USH2A: variants seen among roughly 807,000 people sequenced by gnomAD.
The protein encoded by USH2A is Usher syndrome 2A (autosomal recessive, mild).
In USH2A, 443 loss-of-function variants were observed where a neutral mutation model predicts 538.9. The observed-to-expected ratio is 0.82, with a 90% confidence interval of 0.76 to 0.89. The LOEUF (loss-of-function observed/expected upper bound fraction) is 0.89. USH2A is among the 40% of genes least tolerant of loss of function. The pLI is 0.00. For synonymous variants in USH2A, 2,413 were observed against 2,273.5 expected, an observed-to-expected ratio of 1.06 and a Z score of -1.75; for missense variants, 6,633 against 6,324.8, an observed-to-expected ratio of 1.05 and a Z score of -1.65.
At position 215,813,745 on chromosome 1, in the gene USH2A, T is replaced by G. The variant is rs1207286019; in HGVS notation, c.9730A>C (p.Ile3244Leu). ...TGGAAATAACCCTCACCTGGTAGAATTCTAGCGTAATACCCAGAGCAGCAC... is the reference window on the plus strand; with the variant it reads ...TGGAAATAACCCTCACCTGGTAGAAGTCTAGCGTAATACCCAGAGCAGCAC... ...HQCCSGYYAR[I>L]LPGEVCCPDE... Residue 3244 changes from isoleucine (I) to leucine (L), a missense_variant, in exon 49 of 72, where the codon ATT (isoleucine) becomes CTT (leucine). Transcript: ENST00000307340. The G allele has an allele frequency of 6.2e-7, 1 of 1,613,848 alleles. No homozygotes were observed.
At chr1:215,771,140 A>C (rs563044949) in intron 55 of USH2A, among the ~76,000 whole-genome samples, 1 of 151,300 alleles carries the variant, frequency 6.6e-6, no homozygotes, top group East Asian at 2.0e-4. Flanking sequence ...AAAAAAAAGA[A>C]AGAAAGAAAA....
chr1:215,792,464 G>A (rs544341910), intron 50 of USH2A, among the ~76,000 whole-genome samples: 7 of 152,152 alleles, frequency 4.6e-5, no homozygotes, highest in Admixed American at 2.6e-4. Flanking sequence ...CCTAATCAGC[G>A]TTCATTCTTT....
At chr1:216,247,417 C>T (rs1029315702) in intron 12 of USH2A, among the ~76,000 whole-genome samples, 191 bp from the exon 13 acceptor site, 1 of 152,146 alleles carries the variant, frequency 6.6e-6, no homozygotes, top group Non-Finnish European at 1.5e-5. Flanking sequence ...TAATATACAA[C>T]TGTTTGCGAT....
chr1:216,088,991 A>G (rs774906453), intron 23 of USH2A, 22 bp downstream of exon 23: 4 of 1,612,954 alleles, frequency 2.5e-6, no homozygotes, highest in Non-Finnish European at 3.4e-6. Flanking sequence ...AGGGCTATTT[A>G]TACATATCAA....
intron 44 of USH2A, among the ~76,000 whole-genome samples, chr1:215,854,162 G>A (rs575907235): frequency 6.6e-6 from 1 of 152,266 alleles, no homozygotes; most frequent in Admixed American, 6.5e-5. Context: ...CAATCATGGT[G>A]GAAGGTGAAA....
intron 3 of USH2A, among the ~76,000 whole-genome samples, chr1:216,390,653 A>G (rs2102745786): frequency 6.6e-6 from 1 of 152,288 alleles, no homozygotes; most frequent in South Asian, 2.1e-4. Context: ...AAGATAACTG[A>G]TGGACCTAAA....
chr1:215,665,916 G>A (rs1466748033), intron 64 of USH2A, among the ~76,000 whole-genome samples: 4 of 152,240 alleles, frequency 2.6e-5, no homozygotes, highest in African/African-American at 9.6e-5. Context: ...CATTCACAGG[G>A]TTGTTTGAGA....
At chr1:215,896,762 A>T (rs1224548278) in intron 40 of USH2A, among the ~76,000 whole-genome samples, 1 of 152,132 alleles carries the variant, frequency 6.6e-6, no homozygotes, top group Non-Finnish European at 1.5e-5. Context: ...TATTAATCAC[A>T]TGCTCCCAAG....
At chr1:215,828,662 A>C (rs746160550) in intron 47 of USH2A, among the ~76,000 whole-genome samples, 35 of 152,128 alleles carry the variant, frequency 2.3e-4, no homozygotes, top group Non-Finnish European at 4.3e-4. Flanking sequence ...CTTATCAATA[A>C]CACATCCCCA....
rs1359880957 is a variant in USH2A, at chr1:215,741,441, C to T, written c.11645G>A (p.Cys3882Tyr). The T allele has an allele frequency of 5.0e-6, 8 of 1,613,702 alleles. No individual in the cohort carries two copies. Among genetic ancestry groups the T allele is most frequent in the Non-Finnish European group, 6.8e-6 (8 of 1,179,938 alleles). Reference protein sequence around the residue: ...SPVLKALGSACIEIKWMPPEK... With the variant: ...SPVLKALGSAYIEIKWMPPEK... ...AGGTGGCATCCACTTAATCTCTATG[C>T]AAGCTGACCCCAGTGCCTTAAGAAC... Residue 3882 changes from cysteine (C) to tyrosine (Y), a missense_variant, in exon 60 of 72, where the codon TGC (cysteine) becomes TAC (tyrosine). Physicochemically the swap from Cys to Tyr is radical, Grantham distance 194 (BLOSUM62 -2). Transcript: ENST00000307340.
In USH2A at chr1:216,199,658, A is replaced by G. The variant is rs759937489; in HGVS notation, c.3780T>C (p.His1260=). The G allele has an allele frequency of 4.6e-5, 75 of 1,613,994 alleles. No homozygotes were observed. In the Admixed American group the frequency reaches 5.2e-4, roughly 11 times the overall value. ...GTTCCGCTGGTGGAGACCATTCTAC[A>G]TGAAGTTCTGTAGAACTGATTTTCT... ...KMQKISSTEL[H]VEWSPPAELN... The change falls in exon 17 of 72, where the codon CAT becomes CAC. Residue 1260 remains histidine (H), a synonymous_variant. Transcript: ENST00000307340.
intron 3 of USH2A, among the ~76,000 whole-genome samples, chr1:216,383,522 A>C (rs570197913): frequency 6.6e-6 from 1 of 152,370 alleles, no homozygotes. Context: ...AGCTGGGATA[A>C]GAAGCTCTGC....
chr1:216,011,112 A>G (rs2102492409), intron 32 of USH2A, among the ~76,000 whole-genome samples: 1 of 152,252 alleles, frequency 6.6e-6, no homozygotes, highest in African/African-American at 2.4e-5. Flanking sequence ...CTAAAACCAG[A>G]CAAGCCTTAC....
chr1:215,715,708 T>C (rs997957777), intron 61 of USH2A, among the ~76,000 whole-genome samples: 6 of 152,364 alleles, frequency 3.9e-5, no homozygotes, highest in African/African-American at 1.2e-4. Context: ...GTGTTCTTAA[T>C]GACACACTAA....
chr1:216,311,644 A>G (rs1445705174), intron 9 of USH2A, among the ~76,000 whole-genome samples: 4 of 152,132 alleles, frequency 2.6e-5, no homozygotes, highest in Non-Finnish European at 5.9e-5. Flanking sequence ...ACTGGAAGTC[A>G]TGGGGCGGAA....
chr1:215,973,080 A>C (rs1667533829), intron 35 of USH2A, among the ~76,000 whole-genome samples: 2 of 152,192 alleles, frequency 1.3e-5, no homozygotes, highest in Non-Finnish European at 2.9e-5. Flanking sequence ...ATCCTAAAAA[A>C]ATCTTATGTA....
chr1:215,940,345 G>T (rs1292806494), intron 37 of USH2A, among the ~76,000 whole-genome samples: 1 of 151,952 alleles, frequency 6.6e-6, no homozygotes, highest in Non-Finnish European at 1.5e-5. Flanking sequence ...AGGTAAACTG[G>T]CAAAATCAGC....
chr1:215,910,334 A>G lies in USH2A; in HGVS notation c.7301-9429T>C, dbSNP rs181855366. 2.0e-5 allele frequency among the ~76,000 whole-genome samples: 3 copies of G among 152,094 alleles called. No homozygotes were observed. The East Asian group carries it at 5.8e-4, about 29-fold the overall frequency. On this transcript the variant is annotated intron_variant, in intron 38 of 71. Coordinates refer to ENST00000307340, the MANE Select transcript of USH2A (RefSeq NM_206933.4). ...TTAGAGTTTATTTTGATTAAATCACAAAAGAGGCAGATCTGTGTATTGGTT... is the reference window on the plus strand; with the variant it reads ...TTAGAGTTTATTTTGATTAAATCACGAAAGAGGCAGATCTGTGTATTGGTT...
chr1:216,133,519 G>A (rs948402461), intron 21 of USH2A, among the ~76,000 whole-genome samples: 4 of 152,126 alleles, frequency 2.6e-5, no homozygotes, highest in Admixed American at 2.0e-4. Flanking sequence ...CAGGAAACCA[G>A]AGGATGTGTG....
Sources: gnomAD v4.1 joint callset for allele counts (sites outside exome capture counted in the v4.1 genomes callset) on GRCh38, gnomAD v4.1.1 for gene constraint, MANE v1.5 for transcripts, NCBI Gene and HGNC (gene_info 2026-07-23, HGNC 2026-07-21) for gene names.